The following MAPK10 variants were observed in gnomAD, a reference collection of about 807,000 sequenced individuals.
MAPK10 encodes mitogen-activated protein kinase 10.
MAPK10 carries 25 observed loss-of-function variants against 59.3 expected under a neutral mutation model. That is an observed-to-expected ratio of 0.42 (90% CI 0.31 to 0.59). The LOEUF is 0.59. Among genes scored for constraint, MAPK10 ranks in the 20% least tolerant of loss-of-function variants. MAPK10 has a pLI of 0.15. For synonymous variants in MAPK10, 190 were observed against 200.5 expected (o/e 0.95, Z 0.44); for missense variants, 351 against 568.9 (o/e 0.62, Z 3.90).
intron 1 of MAPK10, among the ~76,000 whole-genome samples, chr4:86,369,254 A>G (rs1738385241): frequency 1.3e-5 from 2 of 152,208 alleles, no homozygotes; most frequent in Admixed American, 6.5e-5. Flanking sequence ...TATGAGCCAA[A>G]CATTGTGTAA....
At chr4:86,372,892 T>A (rs1204168767) in intron 1 of MAPK10, among the ~76,000 whole-genome samples, 2 of 151,818 alleles carry the variant, frequency 1.3e-5, no homozygotes, top group Non-Finnish European at 2.9e-5. Flanking sequence ...AGGTAGCAGA[T>A]GACAAGAAAT....
At chr4:86,428,734 T>G (rs754186440) in intron 1 of MAPK10, among the ~76,000 whole-genome samples, 1 of 152,228 alleles carries the variant, frequency 6.6e-6, no homozygotes, top group Non-Finnish European at 1.5e-5. Flanking sequence ...AATTACATTC[T>G]TATTAACATT....
chr4:86,491,233 A>G (rs552028863), intron 1 of MAPK10, among the ~76,000 whole-genome samples: 2 of 152,320 alleles, frequency 1.3e-5, no homozygotes, highest in East Asian at 3.9e-4. Flanking sequence ...TAGGTGCAAC[A>G]AAATTGACTT....
intron 1 of MAPK10, among the ~76,000 whole-genome samples, chr4:86,549,709 T>C (rs189553896): frequency 9.9e-4 from 151 of 152,296 alleles, no homozygotes; most frequent in Non-Finnish European, 1.7e-3. Context: ...CCAGGCACGG[T>C]GGCTCATGCC....
Position 86,010,774 on chromosome 4 carries a change from T to G in MAPK10, c.*6454A>C, listed in dbSNP as rs1330698454. ...ATTTTCACCAGGATGGGTTCACAAGTGTTAATGGAAGGCGAATTATGTGTG... is the reference window on the plus strand; with the variant it reads ...ATTTTCACCAGGATGGGTTCACAAGGGTTAATGGAAGGCGAATTATGTGTG... On this transcript the variant is annotated 3_prime_UTR_variant, in exon 14 of 14. Transcript: ENST00000641462. 6.6e-6 allele frequency: 1 copy of G among 152,212 alleles called. No individual in the cohort carries two copies. Among genetic ancestry groups the G allele is most frequent in the Non-Finnish European group, 1.5e-5 (1 of 68,020 alleles). 9.4% of individuals were successfully genotyped at this position (152,212 alleles called of 1,614,324 possible). A position where few individuals can be genotyped will look rare whatever the true frequency, so the allele number is the denominator to read the frequency against.
intron 1 of MAPK10, among the ~76,000 whole-genome samples, chr4:86,529,964 A>AT (rs529052308): frequency 5.3e-5 from 8 of 151,334 alleles, no homozygotes; most frequent in Non-Finnish European, 7.4e-5. Flanking sequence ...AATAATTAGA[A>AT]TTTTTTTTTA....
chr4:86,394,237 C>T (rs1459941556), intron 1 of MAPK10, among the ~76,000 whole-genome samples: 1 of 151,832 alleles, frequency 6.6e-6, no homozygotes, highest in Non-Finnish European at 1.5e-5. Flanking sequence ...CCATTGCACT[C>T]CAGCCTGGGC....
At chr4:86,458,205 CAGG>C (rs770574399), upstream of MAPK10, among the ~76,000 whole-genome samples, 4 of 151,858 alleles carry the variant, frequency 2.6e-5, no homozygotes, top group Non-Finnish European at 5.9e-5. Flanking sequence ...GAAGCTGAGG[CAGG>C]AGAATTGCTT....
intron 5 of MAPK10, among the ~76,000 whole-genome samples, chr4:86,103,765 T>C (rs1458560556): frequency 2.0e-5 from 3 of 151,912 alleles, no homozygotes; most frequent in Non-Finnish European, 4.4e-5. Flanking sequence ...GAAAGGTGCA[T>C]TCTAGATGAT....
chr4:86,294,076 C>A (rs1036317529), intron 2 of MAPK10, among the ~76,000 whole-genome samples: 3 of 152,180 alleles, frequency 2.0e-5, no homozygotes, highest in Non-Finnish European at 4.4e-5. Flanking sequence ...GCTGATGTGT[C>A]CACGGACATA....
chr4:86,289,067 A>G (rs897362596), intron 2 of MAPK10, among the ~76,000 whole-genome samples: 1 of 152,342 alleles, frequency 6.6e-6, no homozygotes, highest in Non-Finnish European at 1.5e-5. Flanking sequence ...ACACTGGTAC[A>G]GAATTATATT....
upstream of MAPK10, among the ~76,000 whole-genome samples, chr4:86,454,884 A>C (rs1751097662): frequency 6.6e-6 from 1 of 152,150 alleles, no homozygotes; most frequent in Non-Finnish European, 1.5e-5. Flanking sequence ...TAAGGCAAAA[A>C]TACCAGGTAA....
intron 1 of MAPK10, among the ~76,000 whole-genome samples, chr4:86,473,947 C>A (rs1363327357): frequency 6.6e-6 from 1 of 151,952 alleles, no homozygotes. Context: ...GCCAGGAGTT[C>A]AAGACCAGCC....
At chr4:86,222,190 C>G (rs1422768949) in intron 2 of MAPK10, among the ~76,000 whole-genome samples, 1 of 152,170 alleles carries the variant, frequency 6.6e-6, no homozygotes, top group Non-Finnish European at 1.5e-5. Context: ...AACCTCTTTT[C>G]TTTATTAATT....
intron 1 of MAPK10, among the ~76,000 whole-genome samples, chr4:86,428,458 C>T (rs76775397): frequency 3.9e-5 from 6 of 152,148 alleles, no homozygotes; most frequent in East Asian, 1.9e-4. Context: ...CATACCTGGC[C>T]GTCAAAGTTA....
intron 1 of MAPK10, among the ~76,000 whole-genome samples, chr4:86,562,801 T>G (rs1332928120): frequency 6.6e-6 from 1 of 152,208 alleles, no homozygotes; most frequent in Non-Finnish European, 1.5e-5. Context: ...CTACACACTT[T>G]CCCATATTTC....
intron 11 of MAPK10, among the ~76,000 whole-genome samples, chr4:86,048,855 T>C (rs1279178496): frequency 6.6e-6 from 1 of 152,124 alleles, no homozygotes; most frequent in Non-Finnish European, 1.5e-5. Context: ...TTTTAAAATA[T>C]ACATACTTTT....
intron 2 of MAPK10, among the ~76,000 whole-genome samples, chr4:86,282,310 G>T (rs1160187267): frequency 6.6e-6 from 1 of 152,116 alleles, no homozygotes; most frequent in Non-Finnish European, 1.5e-5. Context: ...GGCTAATCAA[G>T]AATTCAGAAT....
intron 6 of MAPK10, 165 bp downstream of exon 6, chr4:86,103,021 T>G (rs2055783222): frequency 1.8e-6 from 1 of 542,062 alleles, no homozygotes. Context: ...ACTGGACCCC[T>G]TTCATTTGAC....
Sources: gnomAD v4.1 joint callset for allele counts (sites outside exome capture counted in the v4.1 genomes callset) on GRCh38, gnomAD v4.1.1 for gene constraint, MANE v1.5 for transcripts, NCBI Gene and HGNC (gene_info 2026-07-23, HGNC 2026-07-21) for gene names.